The following TRAPPC9 variants were observed in gnomAD, a reference collection of about 807,000 sequenced individuals.
The protein encoded by TRAPPC9 is trafficking protein particle complex subunit 9, also known as IKK2 binding protein.
A neutral mutation model predicts 124.0 loss-of-function variants in TRAPPC9; 83 were observed. That is an observed-to-expected ratio of 0.67 (90% CI 0.56 to 0.80). TRAPPC9 has a LOEUF of 0.80. Among genes scored for constraint, TRAPPC9 ranks in the 30% least tolerant of loss-of-function variants. The probability of loss-of-function intolerance (pLI) is 0.00; values close to 1 mark genes in which losing one functional copy is unlikely to be tolerated. For missense variants in TRAPPC9, 1,302 were observed against 1,508.3 expected (o/e 0.86, Z 2.27); for synonymous variants, 638 against 617.5 (o/e 1.03, Z -0.49).
At chr8:139,973,569 G>A (rs796705634) in intron 19 of TRAPPC9, among the ~76,000 whole-genome samples, 1 of 152,234 alleles carries the variant, frequency 6.6e-6, no homozygotes, top group Non-Finnish European at 1.5e-5. Flanking sequence ...AGAGGGAATA[G>A]TAACGGAAAT....
chr8:140,225,436 C>T (rs1223176369), intron 16 of TRAPPC9, among the ~76,000 whole-genome samples: 2 of 152,112 alleles, frequency 1.3e-5, no homozygotes, highest in Non-Finnish European at 2.9e-5. Flanking sequence ...TAGATATGTG[C>T]GAAGACTTAT....
intron 16 of TRAPPC9, among the ~76,000 whole-genome samples, chr8:140,233,623 C>CACACACACACACACACACA (rs1554648047): frequency 7.7e-5 from 7 of 90,848 alleles, no homozygotes; most frequent in African/African-American, 1.7e-4. Context: ...TCTCTCCCCA[C>CACACACACACACACACACA]CACACACACA....
intron 17 of TRAPPC9, among the ~76,000 whole-genome samples, chr8:140,188,535 T>C (rs1451917203): frequency 1.3e-5 from 2 of 152,128 alleles, no homozygotes; most frequent in East Asian, 3.8e-4. Flanking sequence ...GAATCTCTGC[T>C]CCCTGCAAAA....
chr8:140,437,466 T>C (rs2070858221), intron 3 of TRAPPC9, among the ~76,000 whole-genome samples: 1 of 152,058 alleles, frequency 6.6e-6, no homozygotes. Context: ...CTACTAAAAA[T>C]AGAAAATTTA....
intron 2 of TRAPPC9, among the ~76,000 whole-genome samples, chr8:140,447,042 G>T (rs971380625): frequency 6.6e-6 from 1 of 152,182 alleles, no homozygotes; most frequent in African/African-American, 2.4e-5. Flanking sequence ...GGCCAGAAAC[G>T]TTCGCTCAGA....
At chr8:139,866,868 C>T (rs184527981) in intron 21 of TRAPPC9, among the ~76,000 whole-genome samples, 246 of 152,286 alleles carry the variant, frequency 1.6e-3, no homozygotes, top group Non-Finnish European at 2.7e-3. Context: ...ATGAATGACA[C>T]CCCACCCTGC....
At chr8:140,360,457 C>T (rs973467583) in intron 8 of TRAPPC9, among the ~76,000 whole-genome samples, 1 of 151,978 alleles carries the variant, frequency 6.6e-6, no homozygotes, top group Non-Finnish European at 1.5e-5. Context: ...TAGCCTGCTT[C>T]GAAATAATAA....
At chr8:140,158,608 G>A (rs2130875419) in intron 17 of TRAPPC9, among the ~76,000 whole-genome samples, 1 of 152,326 alleles carries the variant, frequency 6.6e-6, no homozygotes, top group Non-Finnish European at 1.5e-5. Flanking sequence ...CTACATATAT[G>A]TTTAATAAAT....
At chr8:140,261,297 G>T (rs943372596) in intron 15 of TRAPPC9, among the ~76,000 whole-genome samples, 1 of 152,190 alleles carries the variant, frequency 6.6e-6, no homozygotes, top group Non-Finnish European at 1.5e-5. Flanking sequence ...CTCATGGCAG[G>T]CGCTATGCTA....
intron 21 of TRAPPC9, among the ~76,000 whole-genome samples, chr8:139,853,860 T>C (rs1563865012): frequency 6.6e-6 from 1 of 152,240 alleles, no homozygotes; most frequent in Non-Finnish European, 1.5e-5. Context: ...GCTCTTATTT[T>C]AGTTTTGGGT....
Position 139,986,663 on chromosome 8 carries a change from G to A in TRAPPC9, c.2810+2063C>T, listed in dbSNP as rs372218408. Among the ~76,000 whole-genome samples the A allele has an allele frequency of 4.6e-5, 7 of 152,246 alleles. No homozygotes were observed. The East Asian group carries it at 1.4e-3, about 29-fold the overall frequency. On this transcript the variant is annotated intron_variant, in intron 19 of 22. Transcript: ENST00000438773. ...TCATGCCCCGACCCCAAACCCTCCA[G>A]TGTGCATATCATTAACAGAGCTCAA...
intron 19 of TRAPPC9, 76 bp from the exon 20 acceptor site, chr8:139,910,376 T>C: frequency 7.1e-7 from 1 of 1,414,158 alleles, no homozygotes; most frequent in South Asian, 1.2e-5. Flanking sequence ...AATCAGCACA[T>C]GCCAGCGTGA....
chr8:139,929,403 G>A (rs375448829), intron 19 of TRAPPC9, among the ~76,000 whole-genome samples: 46 of 152,066 alleles, frequency 3.0e-4, no homozygotes, highest in African/African-American at 1.1e-3. Flanking sequence ...GTGCAATGCC[G>A]TTCTCAAACA....
At chr8:140,326,398 T>C (rs544235106) in intron 9 of TRAPPC9, among the ~76,000 whole-genome samples, 1 of 152,298 alleles carries the variant, frequency 6.6e-6, no homozygotes, top group East Asian at 1.9e-4. Context: ...AGGTAGCCTA[T>C]GTGCCTCATA....
At position 140,061,765 on chromosome 8, in the gene TRAPPC9, C is replaced by T. The variant is rs1009695404; in HGVS notation, c.2557-37686G>A. On this transcript the variant is annotated intron_variant, in intron 17 of 22. Coordinates refer to ENST00000438773, the MANE Select transcript of TRAPPC9 (RefSeq NM_001160372.4). ...GGGGGAGAGGCTGAGAATGGAGCAG[C>T]AGTCAGGGCCCACGTTGGGAAGGGC... Among the ~76,000 whole-genome samples, 3 of 152,180 alleles carry T rather than the reference C, an allele frequency of 2.0e-5. No homozygotes were observed. The East Asian group carries it at 5.8e-4, about 29-fold the overall frequency.
Position 139,731,198 on chromosome 8 carries a change from C to A in TRAPPC9, c.3310G>T (p.Gly1104Trp). Residue 1104 changes from glycine to tryptophan, a missense_variant, in exon 23 of 23, where the codon GGG (glycine) becomes TGG (tryptophan). By Grantham distance (184) the Gly-to-Trp change is radical. This residue lies in a region of TRAPPC9 where 640 missense variants were observed against 679.3 expected (regional missense o/e 0.94). Transcript: ENST00000438773. ...VQPSGQSACLGALLFLYTGDF... is the reference protein window; with the variant it reads ...VQPSGQSACLWALLFLYTGDF... ...CCCGTGTAGAGGAAGAGGAGGGCCC[C>A]GAGGCAGGCCGACTGGCCGGACGGC... The A allele has an allele frequency of 6.2e-7, 1 of 1,613,522 alleles. No individual in the cohort carries two copies.
At chr8:140,214,771 G>A (rs1322480603) in intron 17 of TRAPPC9, among the ~76,000 whole-genome samples, 1 of 152,152 alleles carries the variant, frequency 6.6e-6, no homozygotes, top group Non-Finnish European at 1.5e-5. Flanking sequence ...AGACAGTCAT[G>A]AACGTGGACA....
At chr8:140,402,624 A>C (rs1228782705) in intron 6 of TRAPPC9, among the ~76,000 whole-genome samples, 1 of 151,858 alleles carries the variant, frequency 6.6e-6, no homozygotes, top group Non-Finnish European at 1.5e-5. Context: ...TGAACCTGGG[A>C]GATAAAGGCT....
intron 19 of TRAPPC9, among the ~76,000 whole-genome samples, chr8:139,959,311 C>T (rs994362843): frequency 1.3e-5 from 2 of 152,242 alleles, no homozygotes; most frequent in East Asian, 1.9e-4. Flanking sequence ...CCAACTTCAC[C>T]GAGCACTTGC....
Sources: allele counts gnomAD v4.1 joint callset (sites outside exome capture counted in the v4.1 genomes callset), GRCh38; gene constraint gnomAD v4.1.1; regional missense constraint gnomAD v4.1.1; transcripts MANE v1.5; gene names NCBI Gene and HGNC (gene_info 2026-07-23, HGNC 2026-07-21).